Variants in CFAP44 observed in about 807,000 individuals in gnomAD.
CFAP44 encodes cilia and flagella associated protein 44, also known as cilia- and flagella-associated protein 44.
Under a neutral mutation model 216.2 loss-of-function variants are expected in CFAP44, and 134 were observed. That is an observed-to-expected ratio of 0.62 (90% CI 0.54 to 0.72). CFAP44 has a LOEUF of 0.72. Ranked by LOEUF, CFAP44 falls within the 30% of genes least tolerant of loss-of-function variation. The probability of loss-of-function intolerance (pLI) is 0.00; values close to 1 mark genes in which losing one functional copy is unlikely to be tolerated. For missense variants in CFAP44, 2,035 were observed against 2,182.1 expected, an observed-to-expected ratio of 0.93 and a Z score of 1.34; for synonymous variants, 700 against 727.6, an observed-to-expected ratio of 0.96 and a Z score of 0.61.
chr3:113,297,567 A>C (rs1308995183), intron 32 of CFAP44, among the ~76,000 whole-genome samples: 2 of 152,130 alleles, frequency 1.3e-5, no homozygotes, highest in African/African-American at 4.8e-5. Context: ...GGATAACTAC[A>C]TATTATCAGA....
intron 1 of CFAP44, among the ~76,000 whole-genome samples, chr3:113,439,678 A>C (rs146585320): frequency 6.6e-6 from 1 of 152,328 alleles, no homozygotes; most frequent in African/African-American, 2.4e-5. Context: ...ACTCTAAGGA[A>C]GTATAAAGAA....
At chr3:113,324,669 A>G (rs1034806952) in intron 28 of CFAP44, among the ~76,000 whole-genome samples, 12 of 152,202 alleles carry the variant, frequency 7.9e-5, no homozygotes, top group Non-Finnish European at 1.5e-5. Flanking sequence ...ATTGAAAATA[A>G]AGCAAGAATG....
chr3:113,329,192 T>G (rs1950219288), intron 26 of CFAP44, among the ~76,000 whole-genome samples: 1 of 152,184 alleles, frequency 6.6e-6, no homozygotes, highest in Admixed American at 6.6e-5. Context: ...GGAAAATTAG[T>G]GTAAAACATG....
chr3:113,316,423 T>G (rs184379414), intron 28 of CFAP44, among the ~76,000 whole-genome samples: 367 of 152,238 alleles, frequency 2.4e-3, no homozygotes, highest in Non-Finnish European at 4.2e-3. Context: ...GGAAAAAATG[T>G]AATCATAAAG....
At chr3:113,422,006 A>C (rs1934829414) in intron 4 of CFAP44, among the ~76,000 whole-genome samples, 1 of 152,222 alleles carries the variant, frequency 6.6e-6, no homozygotes, top group African/African-American at 2.4e-5. Context: ...TTTTTTAAAA[A>C]AGAGGTATAA....
In CFAP44 at chr3:113,294,740, A is replaced by C; in HGVS notation, c.5320T>G (p.Cys1774Gly). Residue 1774 changes from cysteine (C) to glycine (G), a missense_variant, in exon 34 of 35, where the codon TGT becomes GGT. Coordinates refer to ENST00000393845, the MANE Select transcript of CFAP44 (RefSeq NM_001164496.2). The stretch of plus-strand genomic sequence containing the variant: ...GAATCAAGTTTCTTCTTTTCAATAC[A>C]CAAATCATTCATCTGATAAAGCTTT... ...TRKLYQMNDL[C>G]IEKKKLDSRL... 6.5e-7 allele frequency: 1 copy of C among 1,536,458 alleles called. No individual in the cohort carries two copies. The highest frequency in any genetic ancestry group is 8.7e-7 in the Non-Finnish European group (1 of 1,146,568).
intron 21 of CFAP44, among the ~76,000 whole-genome samples, chr3:113,361,749 C>T (rs1021073121): frequency 9.2e-5 from 14 of 151,864 alleles, no homozygotes; most frequent in Non-Finnish European, 2.1e-4. Flanking sequence ...CCGCCCGCCT[C>T]GGCCTCCCAA....
chr3:113,389,929 T>A lies in CFAP44; in HGVS notation c.1890+5821A>T, dbSNP rs112303560. Among the ~76,000 whole-genome samples the A allele has an allele frequency of 8.1e-3, 1,231 of 151,772 alleles. 20 individuals carry two copies. The highest frequency in any genetic ancestry group is 0.028 in the African/African-American group (1,167 of 41,490). ...TCACTGTTGAATTCTACCAAACATT[T>A]AAGAATACCAATCATGCTCAAACTA... On this transcript the variant is annotated intron_variant, in intron 15 of 34. Transcript: ENST00000393845.
At chr3:113,314,061 G>C (rs1262085133) in intron 28 of CFAP44, among the ~76,000 whole-genome samples, 1 of 152,198 alleles carries the variant, frequency 6.6e-6, no homozygotes, top group Admixed American at 6.5e-5. Context: ...CAGAGCCTCA[G>C]GGACCTTTTG....
In CFAP44 at chr3:113,369,392, G is replaced by C. The variant is rs182958015; in HGVS notation, c.2445-3083C>G. On this transcript the variant is annotated intron_variant, in intron 18 of 34. Transcript: ENST00000393845. ...AATCACAACAGTCTCTCAGACCACA[G>C]TGCAATCAAACTAGAACTCAGGTTA... 3.7e-3 allele frequency among the ~76,000 whole-genome samples: 557 copies of C among 152,278 alleles called. 3 individuals carry two copies. The highest frequency in any genetic ancestry group is 5.4e-3 in the Non-Finnish European group (364 of 68,016).
chr3:113,399,714 A>G (rs192435054), intron 13 of CFAP44, among the ~76,000 whole-genome samples, 192 bp downstream of exon 13: 305 of 152,338 alleles, frequency 2.0e-3, no homozygotes, highest in Admixed American at 3.3e-3. Context: ...AAATTTCACT[A>G]AAAACAAGAC....
At chr3:113,308,381 A>G (rs73235039) in intron 28 of CFAP44, 113 bp from the exon 29 acceptor site, 37,627 of 805,228 alleles carry the variant, frequency 0.047, 1,133 homozygotes, top group Non-Finnish European at 0.056. Flanking sequence ...ATAACTCAAT[A>G]TAAGAGTTTA....
At chr3:113,296,965 A>G (rs1949887741) in intron 32 of CFAP44, 80 bp from the exon 33 acceptor site, 1 of 1,457,730 alleles carries the variant, frequency 6.9e-7, no homozygotes, top group Non-Finnish European at 9.3e-7. Flanking sequence ...ATAACATTCT[A>G]AGGAACTGCT....
intron 15 of CFAP44, among the ~76,000 whole-genome samples, chr3:113,383,158 T>C (rs1477381686): frequency 6.6e-6 from 1 of 152,242 alleles, no homozygotes; most frequent in Non-Finnish European, 1.5e-5. Context: ...AATCAGGGCA[T>C]TGGAAGAATG....
chr3:113,291,563 G>A lies in CFAP44; in HGVS notation c.5559C>T (p.Asp1853=). The A allele has an allele frequency of 2.0e-6, 3 of 1,537,008 alleles. No individual in the cohort carries two copies. Among genetic ancestry groups the A allele is most frequent in the Non-Finnish European group, 2.6e-6 (3 of 1,146,722 alleles). The change falls in exon 35 of 35, where the codon GAC becomes GAT. Residue 1853 remains aspartate, a synonymous_variant. Transcript: ENST00000393845. The part of the protein sequence containing the change: ...SPREKEIQPA[D]L ...GTTTGAGAAAATAGCAAACTCAAAGGTCTGCGGGCTGTATCTCTTTCTCTC... is the reference window on the plus strand; with the variant it reads ...GTTTGAGAAAATAGCAAACTCAAAGATCTGCGGGCTGTATCTCTTTCTCTC...
rs368620724 is a variant in CFAP44, at chr3:113,379,386, G to T, written c.2218C>A (p.Pro740Thr). The T allele has an allele frequency of 1.4e-5, 22 of 1,612,696 alleles. No homozygotes were observed. The highest frequency in any genetic ancestry group is 5.5e-5 in the South Asian group (5 of 90,880). ...GGGGTTGACGGAATAAATATTTCAG[G>T]TAATGGCTCTTCTTCCTCCTCCTCC... ...EEEEEEEEPL[P>T]EIFIPSTPSP... is the part of the protein sequence containing the mutation. The change falls in exon 17 of 35, where the codon CCT (proline) becomes ACT (threonine). Residue 740 changes from proline to threonine, a missense_variant. By Grantham distance (38) the Pro-to-Thr change is conservative. Around this residue, in one of 3 missense-constraint regions of CFAP44, gnomAD observed 1,883 missense variants for 2,023.7 expected, o/e 0.93. Transcript: ENST00000393845.
At position 113,420,137 on chromosome 3, in the gene CFAP44, T is replaced by C. The variant is rs761858657; in HGVS notation, c.450A>G (p.Gln150=). 2 of 1,613,706 alleles carry C rather than the reference T, an allele frequency of 1.2e-6. No individual in the cohort carries two copies. The highest frequency in any genetic ancestry group is 2.2e-5 in the South Asian group (2 of 90,984). Residue 150 remains glutamine (Q), a synonymous_variant, in exon 5 of 35, where the codon CAA becomes CAG. Coordinates refer to ENST00000393845, the MANE Select transcript of CFAP44 (RefSeq NM_001164496.2). ...GYDCRKRANL[Q]LLDDSIAIYI... The stretch of plus-strand genomic sequence containing the variant: ...ATATGGCGATACTGTCGTCCAGAAG[T>C]TGTAGGTTGGCTCGCTTTCTACAGT...
chr3:113,330,698 G>A (rs1950234166), intron 25 of CFAP44, 30 bp from the exon 26 acceptor site: 1 of 1,504,828 alleles, frequency 6.6e-7, no homozygotes, highest in Non-Finnish European at 8.8e-7. Flanking sequence ...GGAAACAACA[G>A]TACAACCCTC....
intron 22 of CFAP44, among the ~76,000 whole-genome samples, chr3:113,355,006 C>T (rs1257401353): frequency 2.0e-5 from 3 of 152,162 alleles, no homozygotes; most frequent in Non-Finnish European, 2.9e-5. Flanking sequence ...GATCACATCA[C>T]AAGACTCTTT....
Sources: allele counts gnomAD v4.1 joint callset (sites outside exome capture counted in the v4.1 genomes callset), GRCh38; gene constraint gnomAD v4.1.1; regional missense constraint gnomAD v4.1.1; transcripts MANE v1.5; gene names NCBI Gene and HGNC (gene_info 2026-07-23, HGNC 2026-07-21).